The following WDPCP variants were observed in gnomAD, a reference collection of about 807,000 sequenced individuals.
WDPCP encodes WD repeat-containing and planar cell polarity effector protein fritz homolog.
WDPCP carries 71 observed loss-of-function variants against 93.1 expected under a neutral mutation model. The observed-to-expected ratio is 0.76, with a 90% CI of 0.63 to 0.93. The LOEUF is 0.93. Ranked by LOEUF, WDPCP falls within the 40% of genes least tolerant of loss-of-function variation. The pLI is 0.00. For missense variants in WDPCP, 844 were observed against 887.4 expected, an observed-to-expected ratio of 0.95 and a Z score of 0.62; for synonymous variants, 315 against 315.0, an observed-to-expected ratio of 1.00 and a Z score of 0.00.
intron 6 of WDPCP, among the ~76,000 whole-genome samples, chr2:63,475,833 C>T (rs555926969): frequency 6.6e-6 from 1 of 152,168 alleles, no homozygotes; most frequent in South Asian, 2.1e-4. Flanking sequence ...AGATCCTTGG[C>T]TCTAGCTCTT....
At chr2:63,599,328 A>T in intron 3 of WDPCP, 1 of 1,582,464 alleles carries the variant, frequency 6.3e-7, no homozygotes, top group Non-Finnish European at 8.6e-7. Flanking sequence ...GTGGTTGTTC[A>T]ACTTTAAAAC....
At chr2:63,225,611 C>T in intron 14 of WDPCP, among the ~76,000 whole-genome samples, 1 of 151,618 alleles carries the variant, frequency 6.6e-6, no homozygotes, top group East Asian at 1.9e-4. Context: ...TGGAGACAAC[C>T]CAAATGTTTC....
chr2:63,520,173 G>C (rs1702824239), intron 1 of WDPCP, among the ~76,000 whole-genome samples: 1 of 152,034 alleles, frequency 6.6e-6, no homozygotes, highest in Non-Finnish European at 1.5e-5. Context: ...AACTCAGTCA[G>C]ACAAAAATAA....
chr2:63,168,768 AGGGG>A (rs778791798), intron 15 of WDPCP: 1 of 152,278 alleles, frequency 6.6e-6, no homozygotes, highest in South Asian at 2.1e-4. Context: ...CAGACTGGAA[AGGGG>A]GTCAATCAGT....
At chr2:63,575,875 C>G (rs1708080493) in intron 1 of WDPCP, among the ~76,000 whole-genome samples, 1 of 151,770 alleles carries the variant, frequency 6.6e-6, no homozygotes, top group Admixed American at 6.6e-5. Context: ...AACATGAATC[C>G]TAGACTAACT....
At chr2:63,739,572 T>TTC (rs1376936280) in intron 2 of WDPCP, among the ~76,000 whole-genome samples, 1 of 152,060 alleles carries the variant, frequency 6.6e-6, no homozygotes, top group African/African-American at 2.4e-5. Context: ...TGAATGGTAG[T>TTC]TCTGCTTTTA....
chr2:63,147,797 C>T (rs1161563202), intron 17 of WDPCP, among the ~76,000 whole-genome samples: 1 of 151,922 alleles, frequency 6.6e-6, no homozygotes, highest in Non-Finnish European at 1.5e-5. Flanking sequence ...GGTGAAACCT[C>T]ATCTGTACTA....
At chr2:63,537,974 A>G (rs765523848) in intron 1 of WDPCP, among the ~76,000 whole-genome samples, 1 of 152,228 alleles carries the variant, frequency 6.6e-6, no homozygotes, top group Non-Finnish European at 1.5e-5. Flanking sequence ...CTGCCGAACA[A>G]GAGCATAAGT....
chr2:63,228,739 A>G (rs1409807049), intron 14 of WDPCP: 1 of 152,062 alleles, frequency 6.6e-6, no homozygotes, highest in Non-Finnish European at 1.5e-5. Context: ...AGCTTCATCC[A>G]TGTCCCTACA....
At chr2:63,241,227 G>A (rs548529503) in intron 14 of WDPCP, among the ~76,000 whole-genome samples, 24 of 152,272 alleles carry the variant, frequency 1.6e-4, no homozygotes, top group African/African-American at 5.1e-4. Context: ...AGTCTTTGAT[G>A]TGCTCATAAT....
intron 1 of WDPCP, among the ~76,000 whole-genome samples, chr2:63,558,708 T>C (rs368623740): frequency 6.6e-6 from 1 of 151,990 alleles, no homozygotes; most frequent in Non-Finnish European, 1.5e-5. Context: ...CCTGGACACA[T>C]ACACCCTCCC....
intron 1 of WDPCP, among the ~76,000 whole-genome samples, chr2:63,502,047 C>G (rs1254435347): frequency 6.6e-6 from 1 of 152,242 alleles, no homozygotes; most frequent in Non-Finnish European, 1.5e-5. Context: ...CCTCCTCACT[C>G]TGAAGGAAGC....
chr2:63,594,803 G>T (rs1295067154), intron 3 of WDPCP: 2 of 427,792 alleles, frequency 4.7e-6, no homozygotes, highest in Non-Finnish European at 8.5e-6. Flanking sequence ...TCCATATATT[G>T]TACTCAGTTG....
At chr2:63,484,150 T>G (rs1052834251) in intron 6 of WDPCP, among the ~76,000 whole-genome samples, 21 of 152,108 alleles carry the variant, frequency 1.4e-4, no homozygotes, top group African/African-American at 5.1e-4. Flanking sequence ...GTTCAAAAAG[T>G]AAGACTAAAT....
At chr2:63,240,659 C>A (rs923804023) in intron 14 of WDPCP, among the ~76,000 whole-genome samples, 3 of 152,176 alleles carry the variant, frequency 2.0e-5, no homozygotes, top group Non-Finnish European at 4.4e-5. Flanking sequence ...ATATACCAAT[C>A]CTTGAGCAAA....
At chr2:63,367,085 G>GCAAT (rs1690970839) in intron 12 of WDPCP, among the ~76,000 whole-genome samples, 1 of 150,700 alleles carries the variant, frequency 6.6e-6, no homozygotes, top group Non-Finnish European at 1.5e-5. Context: ...TGAAATATAT[G>GCAAT]CAATCATCAT....
At chr2:63,451,854 T>C (rs920745532) in intron 6 of WDPCP, among the ~76,000 whole-genome samples, 43 of 152,198 alleles carry the variant, frequency 2.8e-4, no homozygotes, top group African/African-American at 8.4e-4. Flanking sequence ...CACATGATTA[T>C]CTCAATAGAT....
chr2:63,388,325 A>C (rs890588573), intron 10 of WDPCP, among the ~76,000 whole-genome samples: 4 of 152,140 alleles, frequency 2.6e-5, no homozygotes, highest in African/African-American at 9.7e-5. Context: ...TGTTAGAAGG[A>C]AAACTAACTA....
chr2:63,596,024 A>C (rs1709305297), intron 3 of WDPCP, among the ~76,000 whole-genome samples: 1 of 152,150 alleles, frequency 6.6e-6, no homozygotes. Flanking sequence ...ACATAGTGTA[A>C]ATTGTCCTTA....
Sources: allele counts gnomAD v4.1 joint callset (sites outside exome capture counted in the v4.1 genomes callset), GRCh38; gene constraint gnomAD v4.1.1; transcripts MANE v1.5; gene names NCBI Gene and HGNC (gene_info 2026-07-23, HGNC 2026-07-21).